The following MYOM1 variants were observed in gnomAD, a reference collection of about 807,000 sequenced individuals.
MYOM1 encodes the protein myomesin-1.
In MYOM1, 164 loss-of-function variants were observed where a neutral mutation model predicts 205.3. That is an observed-to-expected ratio of 0.80 (90% CI 0.70 to 0.91). The LOEUF (loss-of-function observed/expected upper bound fraction) is 0.91, where lower values mean the gene tolerates loss of function less well. Among genes scored for constraint, MYOM1 ranks in the 40% least tolerant of loss-of-function variants. MYOM1 has a pLI of 0.00. For synonymous variants in MYOM1, 772 were observed against 789.4 expected, an observed-to-expected ratio of 0.98 and a Z score of 0.37; for missense variants, 2,011 against 2,127.3, an observed-to-expected ratio of 0.95 and a Z score of 1.08.
chr18:3,187,941 C>A (rs1372724381), intron 4 of MYOM1, among the ~76,000 whole-genome samples: 2 of 148,628 alleles, frequency 1.3e-5, no homozygotes, highest in Admixed American at 1.4e-4. Flanking sequence ...CAGGTTCATG[C>A]GATTCTTGTG....
rs373502768 is a variant in MYOM1 at position 3,129,557 on chromosome 18, C to T, written c.2507-38G>A. 841 of 1,575,544 alleles carry T rather than the reference C, an allele frequency of 5.3e-4. 1 individual carries two copies. The highest frequency in any genetic ancestry group is 6.8e-4 in the Non-Finnish European group (788 of 1,160,650). ...GACAACAACAGAAACGCATTGAGCC[C>T]GGACAGAGTATCAGCTGCTCTTATA... is the stretch of plus-strand genomic sequence containing the variant. On this transcript the variant is annotated intron_variant, in intron 17 of 37. Coordinates refer to ENST00000356443, the MANE Select transcript of MYOM1 (RefSeq NM_003803.4).
intron 19 of MYOM1, among the ~76,000 whole-genome samples, chr18:3,124,917 C>T (rs868644528): frequency 6.6e-6 from 1 of 152,080 alleles, no homozygotes; most frequent in African/African-American, 2.4e-5. Flanking sequence ...AAGATGTATG[C>T]GACTTACAGA....
chr18:3,094,379 G>GAAA, intron 25 of MYOM1, 73 bp from the exon 26 acceptor site: 26 of 796,866 alleles, frequency 3.3e-5, no homozygotes, highest in South Asian at 1.4e-4. Context: ...TCCATCAAGT[G>GAAA]AAAAAAAAAA....
chr18:3,160,155 C>G (rs2080368759), intron 10 of MYOM1, among the ~76,000 whole-genome samples: 1 of 148,182 alleles, frequency 6.7e-6, no homozygotes, highest in African/African-American at 2.5e-5. Context: ...CCTTCCCTTC[C>G]CTTCCTTTCC....
chr18:3,157,692 T>C, intron 10 of MYOM1, among the ~76,000 whole-genome samples: 1 of 136,180 alleles, frequency 7.3e-6, no homozygotes, highest in South Asian at 2.2e-4. Context: ...ATAATAATAA[T>C]AATAATAATA....
intron 20 of MYOM1, among the ~76,000 whole-genome samples, chr18:3,119,122 G>A (rs1018092189): frequency 6.6e-6 from 1 of 151,798 alleles, no homozygotes; most frequent in African/African-American, 2.4e-5. Context: ...GTTTCCCCCA[G>A]CCCCATCCTC....
intron 3 of MYOM1, among the ~76,000 whole-genome samples, chr18:3,192,085 G>C (rs369288460): frequency 7.9e-5 from 12 of 152,284 alleles, no homozygotes; most frequent in African/African-American, 2.6e-4. Flanking sequence ...GGACAGAGCA[G>C]GGAGAAGATG....
intron 10 of MYOM1, 141 bp from the exon 11 acceptor site, chr18:3,155,229 ATT>A: frequency 1.7e-5 from 14 of 822,662 alleles, no homozygotes; most frequent in South Asian, 5.7e-5. Flanking sequence ...AAATCTTGCT[ATT>A]TTTTTTTTGA....
chr18:3,172,763 C>G (rs12953321), intron 8 of MYOM1, among the ~76,000 whole-genome samples: 48,720 of 151,958 alleles, frequency 0.32, 7,931 homozygotes, highest in African/African-American at 0.36. Context: ...CACCCACCTC[C>G]GCCTCGCAAA....
At position 3,103,877 on chromosome 18, in the gene MYOM1, T is replaced by C. The variant is rs564811612; in HGVS notation, c.3419-1247A>G. On this transcript the variant is annotated intron_variant, in intron 22 of 37. Coordinates refer to ENST00000356443, the MANE Select transcript of MYOM1 (RefSeq NM_003803.4). Reference sequence around the variant, plus strand: ...TTGTGTCCGTACAGATGGCAGTGTATGCTTCAACTATAAACTTCCAAAAAG... The same window carrying C: ...TTGTGTCCGTACAGATGGCAGTGTACGCTTCAACTATAAACTTCCAAAAAG... Among the ~76,000 whole-genome samples the C allele has an allele frequency of 6.6e-5, 10 of 152,350 alleles. 1 individual carries two copies. In the South Asian group the frequency reaches 2.1e-3, roughly 32 times the overall value.
chr18:3,182,913 C>CT (rs549386891), intron 5 of MYOM1, among the ~76,000 whole-genome samples: 3,564 of 92,222 alleles, frequency 0.039, 330 homozygotes, highest in Non-Finnish European at 0.046. Flanking sequence ...TTTCTTTCTT[C>CT]TTTTTTTTTT....
Position 3,100,414 on chromosome 18 carries a change from G to C in MYOM1, c.3588C>G (p.Thr1196=). 1 of 1,613,602 alleles carries C rather than the reference G, an allele frequency of 6.2e-7. No individual in the cohort carries two copies. The highest frequency in any genetic ancestry group is 1.1e-5 in the South Asian group (1 of 91,004). ...AGTCATCCATCCCAAGGTCTTTGAA[G>C]GTCATTTTCGTCCTTCGGAACAAAA... ...VESKGNKTKM[T]FKDLGMDDLG... is the part of the protein sequence containing the mutation. Residue 1196 remains threonine (T), a synonymous_variant, in exon 24 of 38, where the codon ACC becomes ACG. Coordinates refer to ENST00000356443, the MANE Select transcript of MYOM1 (RefSeq NM_003803.4).
At chr18:3,123,570 C>G (rs1298509041) in intron 19 of MYOM1, among the ~76,000 whole-genome samples, 1 of 151,764 alleles carries the variant, frequency 6.6e-6, no homozygotes. Flanking sequence ...AATTTTTTTA[C>G]AGATTCAATG....
In MYOM1 at chr18:3,097,003, C is replaced by T. The variant is rs377756141; in HGVS notation, c.3728-2697G>A. Among the ~76,000 whole-genome samples the T allele has an allele frequency of 9.9e-5, 15 of 152,106 alleles. 1 individual carries two copies. The highest frequency in any genetic ancestry group is 4.2e-4 in the South Asian group (2 of 4,812). ...TTCTCTGGCAGTTAATGTGCCTCAGCGAAATATGTTATTTGTAGGTTTAAG... is the reference window on the plus strand; with the variant it reads ...TTCTCTGGCAGTTAATGTGCCTCAGTGAAATATGTTATTTGTAGGTTTAAG... On this transcript the variant is annotated intron_variant, in intron 25 of 37. Coordinates refer to ENST00000356443, the MANE Select transcript of MYOM1 (RefSeq NM_003803.4).
Position 3,116,510 on chromosome 18 carries a change from G to A in MYOM1, c.3124C>T (p.Pro1042Ser). The A allele has an allele frequency of 6.5e-7, 1 of 1,542,454 alleles. No individual in the cohort carries two copies. Among genetic ancestry groups the A allele is most frequent in the Non-Finnish European group, 8.8e-7 (1 of 1,141,266 alleles). ...ACTTCACTACACTTGAGACTGTGCG[G>A]TGGTCCTGAGAGAGAGAGAAGCCAA... ...EEWTIAVPGP[P>S]HSLKCSEVRK... The change falls in exon 21 of 38, where the codon CCG becomes TCG. Residue 1042 changes from proline to serine, a missense_variant. Physicochemically the swap from Pro to Ser is moderately conservative, Grantham distance 74 (BLOSUM62 -1). Transcript: ENST00000356443.
the MYOM1 span, among the ~76,000 whole-genome samples, chr18:3,232,186 G>A: frequency 1.3e-5 from 2 of 151,528 alleles, no homozygotes; most frequent in East Asian, 1.9e-4. Flanking sequence ...AAAAATTAGC[G>A]GGGTGTTGTG....
intron 6 of MYOM1, among the ~76,000 whole-genome samples, chr18:3,175,121 T>C (rs1290319756): frequency 1.3e-5 from 2 of 152,308 alleles, no homozygotes; most frequent in East Asian, 3.9e-4. Flanking sequence ...TTCTCATAAC[T>C]ACTTAATTTT....
chr18:3,151,473 TAAATAAAATAAAATA>T (rs71159050), intron 12 of MYOM1, among the ~76,000 whole-genome samples: 4 of 143,928 alleles, frequency 2.8e-5, no homozygotes, highest in Admixed American at 6.9e-5. Flanking sequence ...TAAAATAAAA[TAAATAAAATAAAATA>T]AAATAAAATA....
chr18:3,179,830 T>C lies in MYOM1; in HGVS notation c.930-3696A>G, dbSNP rs2080703160. 1.3e-5 allele frequency among the ~76,000 whole-genome samples: 2 copies of C among 152,214 alleles called. No homozygotes were observed. Among genetic ancestry groups the C allele is most frequent in the Non-Finnish European group, 2.9e-5 (2 of 68,038 alleles). Reference sequence around the variant, plus strand: ...AATTTCACACTGGACTCAAGCTCACTCTGGCTCTGCTCTTTCTTGTGCTGG... The same window carrying C: ...AATTTCACACTGGACTCAAGCTCACCCTGGCTCTGCTCTTTCTTGTGCTGG... On this transcript the variant is annotated intron_variant, in intron 5 of 37. Coordinates refer to ENST00000356443, the MANE Select transcript of MYOM1 (RefSeq NM_003803.4). The surrounding 1 kb of genome is among the most constrained non-coding windows in gnomAD (Gnocchi z 4.4).
Sources: gnomAD v4.1 joint callset for allele counts (sites outside exome capture counted in the v4.1 genomes callset) on GRCh38, gnomAD v4.1.1 for gene constraint, Gnocchi (gnomAD v3.1) non-coding constraint, MANE v1.5 for transcripts, NCBI Gene and HGNC (gene_info 2026-07-23, HGNC 2026-07-21) for gene names.